The following CCL20 variants were observed in gnomAD, a reference collection of about 807,000 sequenced individuals.
CCL20 encodes the protein C-C motif chemokine 20.
Under a neutral mutation model 10.8 loss-of-function variants are expected in CCL20, and 8 were observed. The ratio of observed to expected loss-of-function variants is 0.74; its 90% CI spans 0.44 to 1.34. The LOEUF is 1.34. CCL20 is among the 40% of genes most tolerant of loss of function. The pLI is 0.01. For synonymous variants in CCL20, 40 were observed against 39.4 expected, an observed-to-expected ratio of 1.02 and a Z score of -0.06; for missense variants, 107 against 117.9, an observed-to-expected ratio of 0.91 and a Z score of 0.43.
intron 2 of CCL20, chr2:227,816,090 G>A: frequency 2.0e-6 from 1 of 502,188 alleles, no homozygotes; most frequent in Non-Finnish European, 3.5e-6. Flanking sequence ...TTATCTTCCT[G>A]CCATTGTACT....
intron 2 of CCL20, 115 bp from the exon 3 acceptor site, chr2:227,816,192 A>G (rs1273234789): frequency 3.7e-6 from 2 of 544,844 alleles, no homozygotes; most frequent in Non-Finnish European, 6.5e-6. Context: ...ATTTTACCTC[A>G]TCAACTGAAA....
chr2:227,817,089 G>C lies in CCL20; in HGVS notation c.*6G>C, dbSNP rs1326338529. 1.2e-6 allele frequency: 2 copies of C among 1,608,156 alleles called. No homozygotes were observed. Reference sequence around the variant, plus strand: ...AAAAAGTCAAGAACATGTAAAAACTGTGGCTTTTCTGGAATGGAATTGGAC... The same window carrying C: ...AAAAAGTCAAGAACATGTAAAAACTCTGGCTTTTCTGGAATGGAATTGGAC... On this transcript the variant is annotated 3_prime_UTR_variant, in exon 4 of 4. Coordinates refer to ENST00000358813, the MANE Select transcript of CCL20 (RefSeq NM_004591.3).
chr2:227,817,074 G>C lies in CCL20; in HGVS notation c.282G>C (p.Lys94Asn), dbSNP rs1177765471. 6.2e-7 allele frequency: 1 copy of C among 1,607,654 alleles called. No individual in the cohort carries two copies. The highest frequency in any genetic ancestry group is 1.7e-5 in the Admixed American group (1 of 59,814). ...TTTCATTTTACAGTAAAAAAGTCAA[G>C]AACATGTAAAAACTGTGGCTTTTCT... The part of the protein sequence containing the change: ...YIVRLLSKKV[K>N]NM The change falls in exon 4 of 4, where the codon AAG becomes AAC. Residue 94 changes from lysine (K) to asparagine (N), a missense_variant. Coordinates refer to ENST00000358813, the MANE Select transcript of CCL20 (RefSeq NM_004591.3).
chr2:227,816,758 G>A (rs1175647662), intron 3 of CCL20, among the ~76,000 whole-genome samples: 3 of 152,198 alleles, frequency 2.0e-5, no homozygotes, highest in Admixed American at 6.5e-5. Flanking sequence ...TCTGATTTAC[G>A]TTGACAATAA....
intron 3 of CCL20, 77 bp downstream of exon 3, chr2:227,816,461 C>G (rs1690026808): frequency 1.4e-6 from 1 of 722,120 alleles, no homozygotes; most frequent in Non-Finnish European, 2.3e-6. Flanking sequence ...CGTAGGTTTT[C>G]TGGGATTCTT....
intron 2 of CCL20, 64 bp downstream of exon 2, chr2:227,815,632 A>G (rs1690013946): frequency 2.2e-6 from 2 of 902,218 alleles, no homozygotes; most frequent in Admixed American, 2.2e-5. Context: ...AGTTTTAAAA[A>G]TGTTTGCCTT....
intron 3 of CCL20, 151 bp downstream of exon 3, chr2:227,816,535 C>A: frequency 6.3e-6 from 3 of 478,972 alleles, no homozygotes; most frequent in South Asian, 4.2e-5. Flanking sequence ...ACAAAGAATG[C>A]ATTTTTCCAC....
At chr2:227,814,966 A>G (rs976474621) in intron 1 of CCL20, among the ~76,000 whole-genome samples, 1 of 152,148 alleles carries the variant, frequency 6.6e-6, no homozygotes, top group African/African-American at 2.4e-5. Context: ...TTTCACTCCT[A>G]TAAATCATAT....
chr2:227,816,450 C>G, intron 3 of CCL20, 66 bp downstream of exon 3: 1 of 814,636 alleles, frequency 1.2e-6, no homozygotes. Context: ...AAGGGGTGGG[C>G]CGTAGGTTTT....
intron 1 of CCL20, 81 bp downstream of exon 1, chr2:227,814,068 TA>T: frequency 8.3e-7 from 1 of 1,206,292 alleles, no homozygotes; most frequent in South Asian, 1.2e-5. Context: ...TGGGGGTCCC[TA>T]AGGGATGGAA....
At chr2:227,814,041 T>G in intron 1 of CCL20, 54 bp downstream of exon 1, 1 of 1,517,076 alleles carries the variant, frequency 6.6e-7, no homozygotes, top group Non-Finnish European at 9.2e-7. Flanking sequence ...CATTTTCCTT[T>G]TAGCCTTGAG....
intron 2 of CCL20, 134 bp downstream of exon 2, chr2:227,815,702 A>G (rs1192645166): frequency 3.4e-6 from 2 of 596,976 alleles, no homozygotes; most frequent in African/African-American, 3.7e-5. Context: ...TTTAAAGAGA[A>G]AGAAATGATG....
chr2:227,816,872 A>G (rs540943937), intron 3 of CCL20, among the ~76,000 whole-genome samples, 190 bp from the exon 4 acceptor site: 8 of 152,348 alleles, frequency 5.3e-5, no homozygotes, highest in Admixed American at 1.3e-4. Flanking sequence ...TGTTTCTGTC[A>G]TTAATGAGCT....
intron 1 of CCL20, among the ~76,000 whole-genome samples, chr2:227,814,373 T>A (rs1689990965): frequency 6.6e-6 from 1 of 152,160 alleles, no homozygotes; most frequent in Non-Finnish European, 1.5e-5. Flanking sequence ...TTGGTAAAGT[T>A]CAAAACTCAT....
intron 2 of CCL20, 76 bp from the exon 3 acceptor site, chr2:227,816,231 A>C: frequency 2.5e-6 from 2 of 812,460 alleles, no homozygotes; most frequent in Admixed American, 2.2e-5. Context: ...CTGGAATATA[A>C]AATTTCCATT....
In CCL20 at chr2:227,816,304, C is replaced by T; in HGVS notation, c.192-3C>T. 6.3e-7 allele frequency: 1 copy of T among 1,597,612 alleles called. No individual in the cohort carries two copies. Among genetic ancestry groups the T allele is most frequent in the Non-Finnish European group, 8.6e-7 (1 of 1,166,116 alleles). On this transcript the variant is annotated splice_region_variant and splice_polypyrimidine_tract_variant and intron_variant, in intron 2 of 3. Transcript: ENST00000358813. ...ACACAAATCAAATTTTCTGATTTTT[C>T]AGCTTTCACACAAAGAAAAAGTTGT...
At chr2:227,816,245 T>C (rs1428076878) in intron 2 of CCL20, 62 bp from the exon 3 acceptor site, 4 of 910,776 alleles carry the variant, frequency 4.4e-6, no homozygotes, top group Admixed American at 1.9e-5. Context: ...TTCCATTGTA[T>C]GTTCTATGAA....
chr2:227,816,959 G>C, intron 3 of CCL20, 103 bp from the exon 4 acceptor site: 1 of 826,560 alleles, frequency 1.2e-6, no homozygotes, highest in Non-Finnish European at 2.1e-6. Context: ...GACATACTGA[G>C]TTGAGATTAA....
intron 2 of CCL20, 164 bp downstream of exon 2, chr2:227,815,732 T>A (rs1358151171): frequency 1.1e-5 from 6 of 566,072 alleles, no homozygotes; most frequent in Admixed American, 6.7e-5. Context: ...TAGCTTTGTC[T>A]TAGTACATAT....
Sources: gnomAD v4.1 joint callset for allele counts (sites outside exome capture counted in the v4.1 genomes callset) on GRCh38, gnomAD v4.1.1 for gene constraint, MANE v1.5 for transcripts, NCBI Gene and HGNC (gene_info 2026-07-23, HGNC 2026-07-21) for gene names.